Variants in CCDC146 observed in about 807,000 individuals in gnomAD.
CCDC146 encodes coiled-coil domain-containing protein 146.
CCDC146 carries 92 observed loss-of-function variants against 119.3 expected under a neutral mutation model. That is an observed-to-expected ratio of 0.77 (90% CI 0.65 to 0.92). The LOEUF is 0.92. Among genes scored for constraint, CCDC146 ranks in the 40% least tolerant of loss-of-function variants. The pLI, the probability that CCDC146 is intolerant of heterozygous loss-of-function variation, is 0.00. For missense variants in CCDC146, 1,000 were observed against 1,103.0 expected (o/e 0.91, Z 1.32); for synonymous variants, 372 against 371.8 (o/e 1.00, Z -0.01).
chr7:77,289,551 GGATA>G (rs1242435547), intron 17 of CCDC146, among the ~76,000 whole-genome samples: 1 of 152,196 alleles, frequency 6.6e-6, no homozygotes, highest in Non-Finnish European at 1.5e-5. Context: ...TGAGAAAGAT[GGATA>G]AATGATCTTA....
At chr7:77,165,216 A>G (rs1337610918) in intron 1 of CCDC146, among the ~76,000 whole-genome samples, 1 of 151,918 alleles carries the variant, frequency 6.6e-6, no homozygotes, top group Non-Finnish European at 1.5e-5. Flanking sequence ...TCGATGGCTA[A>G]TATACAAGGC....
At chr7:77,268,943 T>C (rs2150526480) in intron 9 of CCDC146, among the ~76,000 whole-genome samples, 1 of 152,318 alleles carries the variant, frequency 6.6e-6, no homozygotes, top group Admixed American at 6.5e-5. Flanking sequence ...CTCCAGAATT[T>C]TTACATTTTA....
rs1001616116 is a variant in CCDC146, at chr7:77,282,556, G to A, written c.1920-1G>A. ...GCCTCTGCCTCTGAATTTGACCATA[G>A]TGGCGTTCAGCTGATAGAGCGGGAA... On this transcript the variant is annotated splice_acceptor_variant, in intron 14 of 18. Coordinates refer to ENST00000285871, the MANE Select transcript of CCDC146 (RefSeq NM_020879.3). LOFTEE classifies it high-confidence loss of function. 4 of 1,596,220 alleles carry A rather than the reference G, an allele frequency of 2.5e-6. No homozygotes were observed. The highest frequency in any genetic ancestry group is 3.4e-6 in the Non-Finnish European group (4 of 1,170,338).
At chr7:77,217,329 T>TACACACAC (rs34434670) in intron 2 of CCDC146, among the ~76,000 whole-genome samples, 1 of 149,372 alleles carries the variant, frequency 6.7e-6, no homozygotes, top group Non-Finnish European at 1.5e-5. Context: ...TGACATTTTC[T>TACACACAC]ACACACACAC....
intron 13 of CCDC146, among the ~76,000 whole-genome samples, chr7:77,280,199 GGGAAAA>G (rs964062417): frequency 8.6e-5 from 13 of 151,952 alleles, no homozygotes; most frequent in African/African-American, 2.9e-4. Flanking sequence ...GAACATTGGG[GGGAAAA>G]GGAAAGATGT....
chr7:77,166,430 T>A (rs1791338555), intron 1 of CCDC146, among the ~76,000 whole-genome samples: 2 of 151,682 alleles, frequency 1.3e-5, no homozygotes, highest in South Asian at 4.2e-4. Flanking sequence ...CAAAAATTAT[T>A]TATGATCTTG....
chr7:77,274,314 C>A (rs569146693), intron 10 of CCDC146, among the ~76,000 whole-genome samples, 168 bp from the exon 11 acceptor site: 44 of 152,174 alleles, frequency 2.9e-4, no homozygotes, highest in Non-Finnish European at 5.1e-4. Context: ...AAGTCATCAT[C>A]CTGCCTCAGC....
chr7:77,228,222 A>G (rs951385525), intron 2 of CCDC146, among the ~76,000 whole-genome samples: 7 of 152,212 alleles, frequency 4.6e-5, no homozygotes, highest in Admixed American at 4.6e-4. Context: ...AACTTGTATC[A>G]TGGAGGTTTG....
At chr7:77,285,918 C>T (rs556935539) in intron 15 of CCDC146, among the ~76,000 whole-genome samples, 2 of 152,212 alleles carry the variant, frequency 1.3e-5, no homozygotes. Context: ...TTTTCTCTTT[C>T]TTTGGGAAGC....
At chr7:77,258,759 T>A (rs1210467732) in intron 6 of CCDC146, among the ~76,000 whole-genome samples, 1 of 152,178 alleles carries the variant, frequency 6.6e-6, no homozygotes, top group Non-Finnish European at 1.5e-5. Context: ...ATAAAGGGAA[T>A]CTGGGCAGAG....
chr7:77,163,883 A>G (rs1404413648), intron 1 of CCDC146, among the ~76,000 whole-genome samples: 3 of 127,728 alleles, frequency 2.3e-5, no homozygotes, highest in Non-Finnish European at 4.7e-5. Flanking sequence ...TTTTTGAGAC[A>G]GAGTCTCGCT....
rs541598995 is a variant in CCDC146, at chr7:77,130,501, C to T, written c.-12+7769C>T. On this transcript the variant is annotated intron_variant, in intron 1 of 18. Coordinates refer to ENST00000285871, the MANE Select transcript of CCDC146 (RefSeq NM_020879.3). The stretch of plus-strand genomic sequence containing the variant: ...GACAGAACTTGTGATCTGAGCCTAA[C>T]CAGATTGATTACTTACTAAAACAAA... 2.6e-4 allele frequency among the ~76,000 whole-genome samples: 40 copies of T among 152,072 alleles called. 1 individual carries two copies. The highest frequency in any genetic ancestry group is 8.7e-4 in the African/African-American group (36 of 41,408).
intron 4 of CCDC146, among the ~76,000 whole-genome samples, chr7:77,251,811 A>T (rs570586641): frequency 6.6e-6 from 1 of 152,308 alleles, no homozygotes; most frequent in East Asian, 1.9e-4. Flanking sequence ...TGAAGATAAA[A>T]ATTGTCCAAT....
chr7:77,231,818 GT>G (rs71524924), intron 2 of CCDC146, among the ~76,000 whole-genome samples: 25,261 of 137,780 alleles, frequency 0.18, 2,551 homozygotes, highest in Admixed American at 0.24. Flanking sequence ...TGTTGTTGTT[GT>G]TTTTTTTTTT....
At chr7:77,217,562 T>TAG (rs34086605) in intron 2 of CCDC146, among the ~76,000 whole-genome samples, 2,725 of 147,274 alleles carry the variant, frequency 0.019, 70 homozygotes, top group African/African-American at 0.055. Flanking sequence ...TATATATATA[T>TAG]AGAGAGAGAG....
At chr7:77,195,409 A>G (rs2150429496) in intron 2 of CCDC146, 1 of 152,314 alleles carries the variant, frequency 6.6e-6, no homozygotes, top group East Asian at 1.9e-4. Flanking sequence ...GGTTTAAATG[A>G]CAAGTATTTT....
rs1267951146 is a variant in CCDC146, at chr7:77,190,044, T to A, written c.156+22220T>A. ...GATTTTTATCCGTGTTGGTCACTGA[T>A]AAATCTCCAGCCTCCTAGAAGACTG... On this transcript the variant is annotated intron_variant, in intron 2 of 18. Transcript: ENST00000285871. 2.6e-5 allele frequency among the ~76,000 whole-genome samples: 4 copies of A among 152,212 alleles called. No homozygotes were observed. The East Asian group carries it at 7.7e-4, about 29-fold the overall frequency.
intron 2 of CCDC146, among the ~76,000 whole-genome samples, chr7:77,173,061 G>A (rs1562822572): frequency 2.0e-5 from 3 of 152,040 alleles, no homozygotes; most frequent in South Asian, 4.2e-4. Context: ...ACAGAGAGGG[G>A]AACAACACAC....
In CCDC146 at chr7:77,272,303, G is replaced by A. The variant is rs559385206; in HGVS notation, c.1174-1391G>A. Among the ~76,000 whole-genome samples the A allele has an allele frequency of 7.9e-5, 12 of 152,254 alleles. No homozygotes were observed. The East Asian group carries it at 2.3e-3, about 29-fold the overall frequency. ...CAGTGTGTGCATCTCAAGAGCTAGT[G>A]CTCCAGGGTAGGAGACCCAATGGAA... is the stretch of plus-strand genomic sequence containing the variant. On this transcript the variant is annotated intron_variant, in intron 9 of 18. Transcript: ENST00000285871.
Sources: allele counts gnomAD v4.1 joint callset (sites outside exome capture counted in the v4.1 genomes callset), GRCh38; gene constraint gnomAD v4.1.1; transcripts MANE v1.5; gene names NCBI Gene and HGNC (gene_info 2026-07-23, HGNC 2026-07-21).